Variants in EFNA5 observed in about 807,000 individuals in gnomAD.
EFNA5 encodes ephrin A5.
EFNA5 carries 5 observed loss-of-function variants against 22.9 expected under a neutral mutation model. That is an observed-to-expected ratio of 0.22 (90% confidence interval 0.11 to 0.46). The LOEUF (loss-of-function observed/expected upper bound fraction) is 0.46, where lower values mean the gene tolerates loss of function less well. Ranked by LOEUF, EFNA5 falls within the 20% of genes least tolerant of loss-of-function variation. The probability of loss-of-function intolerance (pLI) is 0.99; values close to 1 mark genes in which losing one functional copy is unlikely to be tolerated. For missense variants in EFNA5, 237 were observed against 293.3 expected (o/e 0.81, Z 1.40); for synonymous variants, 113 against 112.2 (o/e 1.01, Z -0.04).
chr5:107,410,086 C>G (rs940018324), intron 2 of EFNA5, among the ~76,000 whole-genome samples: 2 of 143,332 alleles, frequency 1.4e-5, no homozygotes, highest in African/African-American at 5.4e-5. Flanking sequence ...TGGAGTGCAG[C>G]GGCGCGATCT....
intron 1 of EFNA5, among the ~76,000 whole-genome samples, chr5:107,613,922 T>C (rs768039429): frequency 6.6e-6 from 1 of 152,116 alleles, no homozygotes; most frequent in Non-Finnish European, 1.5e-5. Flanking sequence ...GGCATCCTGA[T>C]TGACAGTTTT....
chr5:107,521,616 A>G (rs1747599823), intron 1 of EFNA5, among the ~76,000 whole-genome samples: 1 of 151,220 alleles, frequency 6.6e-6, no homozygotes, highest in Non-Finnish European at 1.5e-5. Flanking sequence ...CTAGTTGTCT[A>G]CCCTAGTGAT....
intron 1 of EFNA5, among the ~76,000 whole-genome samples, chr5:107,512,264 TAAAG>T (rs757448051): frequency 2.0e-5 from 3 of 152,050 alleles, no homozygotes; most frequent in Non-Finnish European, 4.4e-5. Flanking sequence ...GCTCAGTGGT[TAAAG>T]AACCCCACAT....
chr5:107,486,879 G>T (rs556498275), intron 1 of EFNA5, among the ~76,000 whole-genome samples: 1 of 152,278 alleles, frequency 6.6e-6, no homozygotes, highest in East Asian at 1.9e-4. Context: ...ACTATGAAAA[G>T]AATTTTAGGG....
At chr5:107,444,267 T>G (rs1749335952) in intron 1 of EFNA5, among the ~76,000 whole-genome samples, 1 of 152,244 alleles carries the variant, frequency 6.6e-6, no homozygotes, top group Non-Finnish European at 1.5e-5. Context: ...GAACATGCAT[T>G]TATCTTTTCC....
intron 1 of EFNA5, among the ~76,000 whole-genome samples, chr5:107,598,765 C>A (rs1046169854): frequency 6.6e-6 from 1 of 152,142 alleles, no homozygotes; most frequent in Non-Finnish European, 1.5e-5. Context: ...AATCTCAATA[C>A]AACATTTTTT....
At chr5:107,491,801 G>A (rs1746813289) in intron 1 of EFNA5, among the ~76,000 whole-genome samples, 1 of 152,050 alleles carries the variant, frequency 6.6e-6, no homozygotes, top group South Asian at 2.1e-4. Flanking sequence ...TTTGTATCAG[G>A]TATATGTATT....
chr5:107,419,793 T>C (rs2112412344), intron 2 of EFNA5, among the ~76,000 whole-genome samples: 1 of 152,282 alleles, frequency 6.6e-6, no homozygotes, highest in South Asian at 2.1e-4. Flanking sequence ...CTTAGAGAAG[T>C]TGATGCTACA....
At chr5:107,502,591 T>C (rs1747159942) in intron 1 of EFNA5, among the ~76,000 whole-genome samples, 1 of 152,174 alleles carries the variant, frequency 6.6e-6, no homozygotes, top group South Asian at 2.1e-4. Flanking sequence ...AGCATGTACA[T>C]GGGGTTGATA....
chr5:107,402,467 A>G (rs1748111862), intron 2 of EFNA5, among the ~76,000 whole-genome samples: 1 of 152,244 alleles, frequency 6.6e-6, no homozygotes, highest in Admixed American at 6.5e-5. Context: ...TACTTTCAGC[A>G]TCATCATGCC....
chr5:107,654,023 C>G (rs1484988486), intron 1 of EFNA5, among the ~76,000 whole-genome samples: 1 of 152,086 alleles, frequency 6.6e-6, no homozygotes, highest in Admixed American at 6.6e-5. Flanking sequence ...TACCAAACCC[C>G]ATGAATTAAG....
chr5:107,552,115 T>C (rs1748312985), intron 1 of EFNA5, among the ~76,000 whole-genome samples: 1 of 152,192 alleles, frequency 6.6e-6, no homozygotes, highest in South Asian at 2.1e-4. Flanking sequence ...AGCAGAGTTA[T>C]GCAAACCTGG....
chr5:107,388,390 T>C (rs1321982866), intron 2 of EFNA5: 1 of 152,178 alleles, frequency 6.6e-6, no homozygotes, highest in East Asian at 1.9e-4. Context: ...CTATTATAAG[T>C]ACAATATGCT....
chr5:107,604,643 T>C (rs1408293735), intron 1 of EFNA5, among the ~76,000 whole-genome samples: 1 of 152,190 alleles, frequency 6.6e-6, no homozygotes, highest in East Asian at 1.9e-4. Context: ...TAATGCAAGT[T>C]GCAACCCACT....
chr5:107,641,456 T>A (rs770355028), intron 1 of EFNA5, among the ~76,000 whole-genome samples: 1 of 152,164 alleles, frequency 6.6e-6, no homozygotes, highest in East Asian at 1.9e-4. Flanking sequence ...CCAGTGCTTA[T>A]AATTTTCTGA....
intron 1 of EFNA5, among the ~76,000 whole-genome samples, chr5:107,443,066 CTG>C (rs1256176545): frequency 2.2e-5 from 2 of 89,748 alleles, no homozygotes; most frequent in Non-Finnish European, 4.4e-5. Flanking sequence ...TTCTCCCTGT[CTG>C]TAGATGAGCT....
intron 1 of EFNA5, among the ~76,000 whole-genome samples, chr5:107,448,970 GGT>G (rs1749475121): frequency 6.6e-6 from 1 of 151,942 alleles, no homozygotes; most frequent in Non-Finnish European, 1.5e-5. Context: ...TTGGAGTGGG[GGT>G]GAAGGTCTGA....
At chr5:107,526,484 C>T (rs1747698128) in intron 1 of EFNA5, among the ~76,000 whole-genome samples, 1 of 152,208 alleles carries the variant, frequency 6.6e-6, no homozygotes, top group Admixed American at 6.5e-5. Flanking sequence ...TTGATTGGGT[C>T]TGAACATGGC....
intron 1 of EFNA5, among the ~76,000 whole-genome samples, chr5:107,557,432 C>A (rs1372022598): frequency 6.6e-6 from 1 of 152,132 alleles, no homozygotes; most frequent in Non-Finnish European, 1.5e-5. Flanking sequence ...CCACACGCTG[C>A]CTCAGGAACC....
Sources: allele counts gnomAD v4.1 joint callset (sites outside exome capture counted in the v4.1 genomes callset), GRCh38; gene constraint gnomAD v4.1.1; transcripts MANE v1.5; gene names NCBI Gene and HGNC (gene_info 2026-07-23, HGNC 2026-07-21).